PDE8A: variants seen among roughly 807,000 people sequenced by gnomAD.
PDE8A encodes phosphodiesterase 8A.
PDE8A carries 59 observed loss-of-function variants against 105.0 expected under a neutral mutation model. The ratio of observed to expected loss-of-function variants is 0.56; its 90% confidence interval spans 0.46 to 0.70. The LOEUF is 0.70. PDE8A is among the 30% of genes least tolerant of loss of function. The probability of loss-of-function intolerance (pLI) is 0.00; values close to 1 mark genes in which losing one functional copy is unlikely to be tolerated. For synonymous variants in PDE8A, 355 were observed against 371.9 expected (o/e 0.95, Z 0.52); for missense variants, 1,014 against 1,045.9 (o/e 0.97, Z 0.42).
intron 1 of PDE8A, among the ~76,000 whole-genome samples, chr15:85,044,571 A>C (rs796778445): frequency 1.3e-5 from 2 of 152,332 alleles, no homozygotes; most frequent in African/African-American, 4.8e-5. Context: ...CAAATCAGAT[A>C]ATCAGAACTC....
At chr15:85,024,288 T>A (rs1446801306) in intron 1 of PDE8A, among the ~76,000 whole-genome samples, 1 of 152,218 alleles carries the variant, frequency 6.6e-6, no homozygotes, top group Non-Finnish European at 1.5e-5. Context: ...GCAGGGACTG[T>A]ATCTTTGCAT....
intron 20 of PDE8A, among the ~76,000 whole-genome samples, chr15:85,129,123 T>TA (rs1380920436): frequency 6.6e-6 from 1 of 152,228 alleles, no homozygotes; most frequent in Non-Finnish European, 1.5e-5. Context: ...TCATTGTGTA[T>TA]AATCCTTTAA....
chr15:85,074,884 C>T (rs2081360056), intron 3 of PDE8A, among the ~76,000 whole-genome samples: 2 of 152,176 alleles, frequency 1.3e-5, no homozygotes, highest in Admixed American at 1.3e-4. Context: ...ACACATTCTC[C>T]AGGAGGCCAG....
rs530705843 is a variant in PDE8A, at chr15:85,098,911, C to G, written c.941+875C>G. ...GGTCGAGGCTGCAGTGAGCTATGAT[C>G]ATGCCACTGTACTCCAGCCTGGGCA... On this transcript the variant is annotated intron_variant, in intron 9 of 21. Transcript: ENST00000394553. 5.9e-5 allele frequency among the ~76,000 whole-genome samples: 9 copies of G among 151,522 alleles called. No individual in the cohort carries two copies. In the South Asian group the frequency reaches 1.9e-3, roughly 32 times the overall value.
chr15:85,051,304 T>A (rs2080968572), intron 1 of PDE8A, among the ~76,000 whole-genome samples: 1 of 152,218 alleles, frequency 6.6e-6, no homozygotes, highest in African/African-American at 2.4e-5. Context: ...GTCTTTTCTT[T>A]TTCTTACCTA....
intron 19 of PDE8A, among the ~76,000 whole-genome samples, chr15:85,125,193 C>T (rs1205919327): frequency 6.6e-6 from 1 of 152,120 alleles, no homozygotes; most frequent in Non-Finnish European, 1.5e-5. Flanking sequence ...GTCAGGATGC[C>T]ACCCGTCCAT....
chr15:85,085,675 C>CAAAAAGT (rs2081540468), intron 6 of PDE8A, among the ~76,000 whole-genome samples: 2 of 115,366 alleles, frequency 1.7e-5, no homozygotes, highest in East Asian at 2.6e-4. Flanking sequence ...GACTCTGTCT[C>CAAAAAGT]AAAAAAAAAA....
In PDE8A at chr15:84,988,553, T is replaced by C. The variant is rs533698403; in HGVS notation, c.186+6205T>C. Among the ~76,000 whole-genome samples the C allele has an allele frequency of 4.8e-4, 73 of 152,260 alleles. No homozygotes were observed. The Middle Eastern group carries it at 0.01, about 21-fold the overall frequency. On this transcript the variant is annotated intron_variant, in intron 1 of 21. Coordinates refer to ENST00000394553, the MANE Select transcript of PDE8A (RefSeq NM_002605.3). ...GGGCATCCCTTGGGAGTTTTTTTCC[T>C]TTCCCCTTTCTCCTGCTCAGGTTTC...
intron 1 of PDE8A, among the ~76,000 whole-genome samples, chr15:85,061,190 G>A (rs2081138576): frequency 6.6e-6 from 1 of 151,734 alleles, no homozygotes; most frequent in Admixed American, 6.6e-5. Flanking sequence ...TGTGTGACCA[G>A]TTGCTTCTTT....
At chr15:85,098,535 A>T (rs1045580794) in intron 9 of PDE8A, among the ~76,000 whole-genome samples, 4 of 152,202 alleles carry the variant, frequency 2.6e-5, no homozygotes, top group African/African-American at 4.8e-5. Flanking sequence ...TTATCTCAGA[A>T]ACCTATCTTA....
At chr15:85,035,912 A>G (rs2080698880) in intron 1 of PDE8A, among the ~76,000 whole-genome samples, 2 of 152,336 alleles carry the variant, frequency 1.3e-5, no homozygotes, top group Non-Finnish European at 2.9e-5. Context: ...TGCATATGTA[A>G]CAGACAATAA....
intron 1 of PDE8A, among the ~76,000 whole-genome samples, chr15:84,982,810 C>G (rs888616022): frequency 6.6e-6 from 1 of 152,258 alleles, no homozygotes; most frequent in Non-Finnish European, 1.5e-5. Context: ...CCTCTGTCAG[C>G]TTTGCACATG....
chr15:85,122,678 C>T (rs1012536572), intron 18 of PDE8A, among the ~76,000 whole-genome samples: 3 of 152,168 alleles, frequency 2.0e-5, no homozygotes, highest in Non-Finnish European at 4.4e-5. Context: ...GTGGAGGTAT[C>T]AAGTACTCCC....
intron 17 of PDE8A, chr15:85,120,585 T>C (rs2082165730): frequency 2.1e-6 from 1 of 469,470 alleles, no homozygotes; most frequent in South Asian, 3.9e-5. Flanking sequence ...TGTATTTTGG[T>C]AAGTCCTTAA....
intron 20 of PDE8A, 63 bp downstream of exon 20, chr15:85,126,437 G>A (rs1397096655): frequency 1.2e-5 from 14 of 1,192,514 alleles, no homozygotes; most frequent in South Asian, 5.8e-5. Context: ...AAAATCATAC[G>A]AGATAATGGA....
chr15:85,062,505 C>G (rs746494177), intron 1 of PDE8A: 2 of 152,250 alleles, frequency 1.3e-5, no homozygotes, highest in African/African-American at 2.4e-5. Flanking sequence ...CTAGAAGTCT[C>G]TTCAACTGGA....
chr15:85,076,972 G>C (rs1384030840), intron 5 of PDE8A, among the ~76,000 whole-genome samples, 185 bp downstream of exon 5: 1 of 152,046 alleles, frequency 6.6e-6, no homozygotes, highest in Non-Finnish European at 1.5e-5. Flanking sequence ...CTTGGGCCCA[G>C]GAGTTCAAGA....
chr15:84,982,407 C>T (rs2142131392), intron 1 of PDE8A, 59 bp downstream of exon 1: 2 of 1,185,750 alleles, frequency 1.7e-6, no homozygotes, highest in East Asian at 3.2e-5. Flanking sequence ...CAGTAAGCAA[C>T]TTTCCCGCAG....
At chr15:85,058,702 G>A (rs1444848477) in intron 1 of PDE8A, among the ~76,000 whole-genome samples, 1 of 152,106 alleles carries the variant, frequency 6.6e-6, no homozygotes, top group Non-Finnish European at 1.5e-5. Flanking sequence ...AGTGTTAATA[G>A]TACTCTCTTA....
Sources: gnomAD v4.1 joint callset for allele counts (sites outside exome capture counted in the v4.1 genomes callset) on GRCh38, gnomAD v4.1.1 for gene constraint, MANE v1.5 for transcripts, NCBI Gene and HGNC (gene_info 2026-07-23, HGNC 2026-07-21) for gene names.